The following TAPT1 variants were observed in gnomAD, a reference collection of about 807,000 sequenced individuals.
The protein encoded by TAPT1 is transmembrane anterior posterior transformation protein 1 homolog.
A neutral mutation model predicts 65.6 loss-of-function variants in TAPT1; 28 were observed. The ratio of observed to expected loss-of-function variants is 0.43; its 90% confidence interval spans 0.32 to 0.59. The LOEUF is 0.59. Ranked by LOEUF, TAPT1 falls within the 20% of genes least tolerant of loss-of-function variation. TAPT1 has a pLI of 0.09. For synonymous variants in TAPT1, 278 were observed against 245.2 expected (o/e 1.13, Z -1.25); for missense variants, 563 against 679.9 (o/e 0.83, Z 1.91).
chr4:16,201,145 T>A (rs920632771), intron 3 of TAPT1, among the ~76,000 whole-genome samples: 2 of 152,240 alleles, frequency 1.3e-5, no homozygotes, highest in African/African-American at 4.8e-5. Context: ...TATAATGTGA[T>A]CATCATAATA....
At position 16,163,531 on chromosome 4, in the gene TAPT1, G is replaced by GAT; in HGVS notation, c.1480_1481insAT (p.Ser494TyrfsTer27). 6.2e-7 allele frequency: 1 copy of GAT among 1,611,132 alleles called. No homozygotes were observed. The highest frequency in any genetic ancestry group is 8.5e-7 in the Non-Finnish European group (1 of 1,177,518). On this transcript the variant is annotated frameshift_variant, in exon 14 of 14. Coordinates refer to ENST00000405303, the MANE Select transcript of TAPT1 (RefSeq NM_153365.3). LOFTEE classifies it high-confidence loss of function. ...GGAGGCAGACAGGTTTTCTTCTGTGGAAAGGCCTGTGATAAAATAGATCCA... is the reference window on the plus strand; with the variant it reads ...GGAGGCAGACAGGTTTTCTTCTGTGGATAAAGGCCTGTGATAAAATAGATCCA...
At chr4:16,183,843 C>G (rs892298636) in intron 7 of TAPT1, among the ~76,000 whole-genome samples, 1 of 152,142 alleles carries the variant, frequency 6.6e-6, no homozygotes, top group African/African-American at 2.4e-5. Context: ...GAAAGGTGAG[C>G]AACATTAATA....
intron 2 of TAPT1, among the ~76,000 whole-genome samples, chr4:16,204,299 C>T (rs1001520043): frequency 6.6e-6 from 1 of 152,204 alleles, no homozygotes; most frequent in Admixed American, 6.5e-5. Context: ...GCTTCCAAAG[C>T]ACTGAAGACA....
In TAPT1 at chr4:16,163,217, AT is replaced by A; in HGVS notation, c.*90del. 4 of 914,368 alleles carry A rather than the reference AT, an allele frequency of 4.4e-6. No homozygotes were observed. Among genetic ancestry groups the A allele is most frequent in the Non-Finnish European group, 7.0e-6 (4 of 568,968 alleles). The allele number at this position is 914,368 out of a possible 1,614,324, so 56.6% of individuals were successfully genotyped here. On this transcript the variant is annotated 3_prime_UTR_variant, in exon 14 of 14. Transcript: ENST00000405303. Reference sequence around the variant, plus strand: ...TAATAATTTAAGTTTTTAAATAAATATTTAAGTGCCATGTTTAGCATCTATT... The same window carrying A: ...TAATAATTTAAGTTTTTAAATAAATATTAAGTGCCATGTTTAGCATCTATT...
intron 13 of TAPT1, 123 bp downstream of exon 13, chr4:16,166,510 T>G: frequency 1.6e-6 from 2 of 1,250,560 alleles, no homozygotes; most frequent in East Asian, 4.8e-5. Context: ...AACACAACCA[T>G]TAAAAGACCC....
intron 3 of TAPT1, chr4:16,196,629 T>C (rs753040042): frequency 2.7e-4 from 329 of 1,223,792 alleles, no homozygotes; most frequent in South Asian, 5.7e-4. Flanking sequence ...TGGCCAAGAG[T>C]ATAGAAGGAA....
rs577901928 is a variant in TAPT1 at position 16,166,688 on chromosome 4, G to T, written c.1419C>A (p.Thr473=). 1 of 1,614,014 alleles carries T rather than the reference G, an allele frequency of 6.2e-7. No individual in the cohort carries two copies. The highest frequency in any genetic ancestry group is 1.7e-5 in the Admixed American group (1 of 60,028). Residue 473 remains threonine (T), a synonymous_variant, in exon 13 of 14, where the codon ACC becomes ACA. Transcript: ENST00000405303. ...MEEKLSNPPA[T]CTPGKPSSKS... ...TACTGGACGGCTTGCCTGGAGTGCA[G>T]GTTGCGGGAGGATTCGACAGCTTCT...
chr4:16,166,081 T>G (rs900651046), intron 13 of TAPT1, among the ~76,000 whole-genome samples: 2 of 152,152 alleles, frequency 1.3e-5, no homozygotes, highest in Admixed American at 6.5e-5. Flanking sequence ...CCATCTGGCT[T>G]TTAATGTCCT....
chr4:16,174,376 A>G, intron 10 of TAPT1, 104 bp from the exon 11 acceptor site: 1 of 1,003,470 alleles, frequency 1.0e-6, no homozygotes, highest in South Asian at 1.6e-5. Context: ...AGGTGAGGCT[A>G]TGGAGCAAGA....
intron 13 of TAPT1, among the ~76,000 whole-genome samples, chr4:16,165,103 G>C (rs1172907965): frequency 3.3e-5 from 5 of 152,062 alleles, no homozygotes; most frequent in Non-Finnish European, 1.5e-5. Flanking sequence ...CCCTGGGCCA[G>C]TTTCATCCTT....
chr4:16,218,434 T>C (rs1462260537), intron 1 of TAPT1, among the ~76,000 whole-genome samples: 2 of 152,198 alleles, frequency 1.3e-5, no homozygotes, highest in Non-Finnish European at 2.9e-5. Flanking sequence ...GGAAAATTAT[T>C]CTCCACAATG....
At chr4:16,227,233 C>T (rs546775101), upstream of TAPT1, 19 of 455,092 alleles carry the variant, frequency 4.2e-5, no homozygotes, top group South Asian at 2.8e-4. Context: ...CAAGGGCTGG[C>T]GCGCCGGCGG....
chr4:16,179,272 T>C (rs1478376729), intron 8 of TAPT1: 1 of 249,690 alleles, frequency 4.0e-6, no homozygotes, highest in Admixed American at 5.5e-5. Context: ...TACTGAATAC[T>C]GCAGGCAAAC....
At chr4:16,172,516 A>G (rs778248928) in intron 11 of TAPT1, among the ~76,000 whole-genome samples, 25 of 148,570 alleles carry the variant, frequency 1.7e-4, no homozygotes, top group Non-Finnish European at 3.1e-4. Context: ...CCATTTTTCC[A>G]AAATTCTAGG....
chr4:16,174,120 A>C, intron 11 of TAPT1, 84 bp downstream of exon 11: 2 of 1,158,572 alleles, frequency 1.7e-6, no homozygotes, highest in Non-Finnish European at 2.4e-6. Context: ...GTCCTTTTGA[A>C]ACAATCATAT....
In TAPT1 at chr4:16,161,916, A is replaced by G. The variant is rs1342551608; in HGVS notation, c.*1392T>C. 2 of 152,244 alleles carry G rather than the reference A, an allele frequency of 1.3e-5. No individual in the cohort carries two copies. The highest frequency in any genetic ancestry group is 2.4e-5 in the African/African-American group (1 of 41,462). 9.4% of individuals were successfully genotyped at this position (152,244 alleles called of 1,614,324 possible). On this transcript the variant is annotated 3_prime_UTR_variant, in exon 14 of 14. Coordinates refer to ENST00000405303, the MANE Select transcript of TAPT1 (RefSeq NM_153365.3). ...CTTCAAAATCAAAACATCAAAGGAA[A>G]TAACAGTTAACAGTACCATCTTCTG...
chr4:16,227,026 A>AC (rs1227886600), upstream of TAPT1: 1 of 452,770 alleles, frequency 2.2e-6, no homozygotes, highest in African/African-American at 2.0e-5. Context: ...CAGATCACCG[A>AC]CCCCCACGAG....
In TAPT1 at chr4:16,161,101, TGGTC is replaced by T. The variant is rs1200143057; in HGVS notation, c.*2203_*2206del. On this transcript the variant is annotated 3_prime_UTR_variant, in exon 14 of 14. Coordinates refer to ENST00000405303, the MANE Select transcript of TAPT1 (RefSeq NM_153365.3). ...CCTTCATTTGCTGAGAAATATTAAATGGTCTATAATCAAGGCCGAGCCTATTTTT... is the reference window on the plus strand; with the variant it reads ...CCTTCATTTGCTGAGAAATATTAAATTATAATCAAGGCCGAGCCTATTTTT... 2.6e-5 allele frequency: 4 copies of T among 152,666 alleles called. No individual in the cohort carries two copies. The highest frequency in any genetic ancestry group is 4.4e-5 in the Non-Finnish European group (3 of 68,046). The allele number at this position is 152,666 out of a possible 1,614,324, so 9.5% of individuals were successfully genotyped here.
At chr4:16,219,971 C>T (rs1751155590) in intron 1 of TAPT1, among the ~76,000 whole-genome samples, 1 of 152,212 alleles carries the variant, frequency 6.6e-6, no homozygotes, top group African/African-American at 2.4e-5. Flanking sequence ...GGTACAGTGC[C>T]TCACTGCCAG....
Sources: allele counts gnomAD v4.1 joint callset (sites outside exome capture counted in the v4.1 genomes callset), GRCh38; gene constraint gnomAD v4.1.1; transcripts MANE v1.5; gene names NCBI Gene and HGNC (gene_info 2026-07-23, HGNC 2026-07-21).